The following CSGALNACT1 variants were observed in gnomAD, a reference collection of about 807,000 sequenced individuals.
CSGALNACT1 encodes chondroitin sulfate N-acetylgalactosaminyltransferase 1.
A neutral mutation model predicts 51.0 loss-of-function variants in CSGALNACT1; 52 were observed. The ratio of observed to expected loss-of-function variants is 1.02; its 90% CI spans 0.82 to 1.29. CSGALNACT1 has a LOEUF of 1.29. CSGALNACT1 is among the 50% of genes most tolerant of loss of function. CSGALNACT1 has a pLI of 0.00. For synonymous variants in CSGALNACT1, 341 were observed against 254.4 expected, an observed-to-expected ratio of 1.34 and a Z score of -3.24; for missense variants, 935 against 679.2, an observed-to-expected ratio of 1.38 and a Z score of -4.19.
rs1292487534 is a variant in CSGALNACT1, at chr8:19,687,716, G to C, written c.-297+70134C>G. Reference sequence around the variant, plus strand: ...TCACCTATTATCAACTCTAGTCTTTGATCTTTACTCCTTATAAAGAAAAAG... The same window carrying C: ...TCACCTATTATCAACTCTAGTCTTTCATCTTTACTCCTTATAAAGAAAAAG... On this transcript the variant is annotated intron_variant, in intron 1 of 1. Coordinates refer to the CSGALNACT1 transcript ENST00000517494. 2.6e-5 allele frequency among the ~76,000 whole-genome samples: 4 copies of C among 152,160 alleles called. No homozygotes were observed. The South Asian group carries it at 8.3e-4, about 32-fold the overall frequency.
intron 3 of CSGALNACT1, among the ~76,000 whole-genome samples, chr8:19,521,142 C>G (rs2080598202): frequency 6.6e-6 from 1 of 152,036 alleles, no homozygotes; most frequent in Admixed American, 6.6e-5. Flanking sequence ...AAATTTCATC[C>G]TATAGGTAAC....
intron 5 of CSGALNACT1, among the ~76,000 whole-genome samples, chr8:19,447,708 T>C (rs1488501234): frequency 1.3e-5 from 2 of 152,124 alleles, no homozygotes; most frequent in East Asian, 3.9e-4. Flanking sequence ...TCGACCACTG[T>C]CTTGACGGAG....
intron 3 of CSGALNACT1, among the ~76,000 whole-genome samples, chr8:19,574,184 A>G (rs1227612538): frequency 6.6e-6 from 1 of 152,140 alleles, no homozygotes; most frequent in African/African-American, 2.4e-5. Context: ...AACTATTGGA[A>G]TTACAGGCAC....
At chr8:19,419,480 A>G (rs7015440) in intron 7 of CSGALNACT1, among the ~76,000 whole-genome samples, 73,600 of 152,004 alleles carry the variant, frequency 0.48, 18,840 homozygotes, top group East Asian at 0.82. Flanking sequence ...AATTTACACA[A>G]AAGAATTTCT....
chr8:19,671,857 T>A (rs1293965987), intron 1 of CSGALNACT1, among the ~76,000 whole-genome samples: 1 of 152,150 alleles, frequency 6.6e-6, no homozygotes, highest in Non-Finnish European at 1.5e-5. Context: ...AATGAGGATA[T>A]CCCCAAGCCA....
intron 1 of CSGALNACT1, among the ~76,000 whole-genome samples, chr8:19,664,640 CACACAA>C (rs1231010155): frequency 1.4e-5 from 2 of 140,466 alleles, no homozygotes; most frequent in South Asian, 4.5e-4. Context: ...CACACACAAA[CACACAA>C]ACACACACAC....
intron 3 of CSGALNACT1, among the ~76,000 whole-genome samples, chr8:19,572,025 A>G (rs183317835): frequency 4.6e-5 from 7 of 152,256 alleles, no homozygotes; most frequent in Admixed American, 3.9e-4. Context: ...ATCATTTCCT[A>G]TTTTCAATGG....
chr8:19,655,666 C>A (rs2154187020), intron 1 of CSGALNACT1, among the ~76,000 whole-genome samples: 1 of 152,108 alleles, frequency 6.6e-6, no homozygotes, highest in Non-Finnish European at 1.5e-5. Context: ...AGTGACCTGC[C>A]CTCAGCCTCT....
chr8:19,452,410 C>A (rs2063331761), intron 5 of CSGALNACT1, among the ~76,000 whole-genome samples: 2 of 92,188 alleles, frequency 2.2e-5, no homozygotes, highest in South Asian at 7.6e-4. Context: ...GTGAACTAAC[C>A]CCTGGGGGAA....
rs1248422538 is a variant in CSGALNACT1, at chr8:19,757,018, G to A, written c.-297+832C>T. Among the ~76,000 whole-genome samples the A allele has an allele frequency of 2.0e-5, 3 of 150,950 alleles. No individual in the cohort carries two copies. The highest frequency in any genetic ancestry group is 1.5e-5 in the Non-Finnish European group (1 of 67,644). On this transcript the variant is annotated intron_variant, in intron 1 of 1. Coordinates refer to the CSGALNACT1 transcript ENST00000517494. The surrounding 1 kb of genome is among the most constrained non-coding windows in gnomAD (Gnocchi z 4.0). ...CCTGGGCCCCCGGCGGGCAGCGGCGGAGGGAGGCCAGGCGCGGCACCGTCC... is the reference window on the plus strand; with the variant it reads ...CCTGGGCCCCCGGCGGGCAGCGGCGAAGGGAGGCCAGGCGCGGCACCGTCC...
intron 4 of CSGALNACT1, among the ~76,000 whole-genome samples, chr8:19,463,193 A>G (rs983442882): frequency 6.6e-6 from 1 of 152,176 alleles, no homozygotes; most frequent in Admixed American, 6.5e-5. Context: ...ATGGTATACA[A>G]GTATCACATT....
intron 1 of CSGALNACT1, among the ~76,000 whole-genome samples, chr8:19,700,015 G>C (rs2154219802): frequency 6.6e-6 from 1 of 151,830 alleles, no homozygotes; most frequent in East Asian, 1.9e-4. Context: ...AGGAGGCTGA[G>C]GCAGGAGAAT....
intron 4 of CSGALNACT1, among the ~76,000 whole-genome samples, chr8:19,468,114 A>G (rs542211702): frequency 6.6e-6 from 1 of 152,338 alleles, no homozygotes; most frequent in Admixed American, 6.5e-5. Context: ...TGCCCATGGT[A>G]TAAGGGAACA....
upstream of CSGALNACT1, among the ~76,000 whole-genome samples, chr8:19,685,288 C>G (rs1564424254): frequency 6.6e-6 from 1 of 152,126 alleles, no homozygotes; most frequent in Non-Finnish European, 1.5e-5. Context: ...GCAGTTATGT[C>G]CCATCAGCCC....
At chr8:19,452,332 G>A (rs1273147160) in intron 5 of CSGALNACT1, among the ~76,000 whole-genome samples, 1 of 151,908 alleles carries the variant, frequency 6.6e-6, no homozygotes, top group Non-Finnish European at 1.5e-5. Flanking sequence ...AGCCACAGCA[G>A]GCTATTTTGG....
intron 6 of CSGALNACT1, among the ~76,000 whole-genome samples, chr8:19,429,591 G>C (rs956490709): frequency 1.3e-5 from 2 of 152,172 alleles, no homozygotes; most frequent in African/African-American, 4.8e-5. Context: ...ATATTCCATT[G>C]TGTGCTTATG....
intron 1 of CSGALNACT1, among the ~76,000 whole-genome samples, chr8:19,699,432 A>G (rs951283965): frequency 1.3e-5 from 2 of 152,228 alleles, no homozygotes; most frequent in African/African-American, 2.4e-5. Flanking sequence ...TGCTCTGATC[A>G]TGAAGTGGAA....
intron 3 of CSGALNACT1, among the ~76,000 whole-genome samples, chr8:19,528,803 G>C (rs1055071782): frequency 6.6e-6 from 1 of 152,050 alleles, no homozygotes; most frequent in African/African-American, 2.4e-5. Flanking sequence ...ACAGTCTTTG[G>C]CTGGAGGGAA....
intron 5 of CSGALNACT1, among the ~76,000 whole-genome samples, chr8:19,442,502 T>A (rs1252833155): frequency 7.0e-6 from 1 of 142,926 alleles, no homozygotes. Context: ...TTCTCACTCA[T>A]AGGTGGGAAT....
Sources: gnomAD v4.1 joint callset for allele counts (sites outside exome capture counted in the v4.1 genomes callset) on GRCh38, gnomAD v4.1.1 for gene constraint, Gnocchi (gnomAD v3.1) non-coding constraint, MANE v1.5 for transcripts, NCBI Gene and HGNC (gene_info 2026-07-23, HGNC 2026-07-21) for gene names.